MEIKIN: variants seen among roughly 807,000 people sequenced by gnomAD.
MEIKIN encodes the protein meiosis-specific kinetochore protein.
At chr5:131,877,556 T>A (rs1233787861) in intron 9 of MEIKIN, among the ~76,000 whole-genome samples, 1 of 152,006 alleles carries the variant, frequency 6.6e-6, no homozygotes, top group African/African-American at 2.4e-5. Flanking sequence ...GGCAAGAGAA[T>A]CATTTGAGTC....
chr5:131,914,789 G>A (rs1751392136), intron 7 of MEIKIN, among the ~76,000 whole-genome samples: 1 of 152,044 alleles, frequency 6.6e-6, no homozygotes, highest in Non-Finnish European at 1.5e-5. Context: ...AGAAAGAGAA[G>A]GGGGACAAAG....
chr5:131,816,470 T>C (rs1418913388), intron 12 of MEIKIN, among the ~76,000 whole-genome samples: 1 of 152,200 alleles, frequency 6.6e-6, no homozygotes, highest in East Asian at 1.9e-4. Flanking sequence ...AAGAAATCTA[T>C]CTGTAGACTG....
At chr5:131,832,473 G>A (rs1285069657) in intron 11 of MEIKIN, among the ~76,000 whole-genome samples, 1 of 152,104 alleles carries the variant, frequency 6.6e-6, no homozygotes, top group Non-Finnish European at 1.5e-5. Flanking sequence ...GGCTTTTCTA[G>A]GTGCACGGTG....
chr5:131,900,783 G>T (rs1391239905), intron 8 of MEIKIN, among the ~76,000 whole-genome samples: 1 of 152,104 alleles, frequency 6.6e-6, no homozygotes, highest in Non-Finnish European at 1.5e-5. Flanking sequence ...TGCCTCCTGG[G>T]AGAGCAGCAT....
At chr5:131,819,122 T>C (rs1441387170) in intron 11 of MEIKIN, among the ~76,000 whole-genome samples, 1 of 152,124 alleles carries the variant, frequency 6.6e-6, no homozygotes, top group East Asian at 1.9e-4. Flanking sequence ...GAGATTGACT[T>C]ACTTAAGGAT....
intron 7 of MEIKIN, among the ~76,000 whole-genome samples, chr5:131,912,301 TTATTA>T (rs988480196): frequency 2.7e-5 from 4 of 150,724 alleles, no homozygotes; most frequent in Non-Finnish European, 5.9e-5. Context: ...ATTATTATTA[TTATTA>T]TATTATTATT....
Position 131,821,444 on chromosome 5 carries a change from C to A in MEIKIN, c.976-2581G>T, listed in dbSNP as rs116769376. 6.6e-3 allele frequency among the ~76,000 whole-genome samples: 999 copies of A among 152,052 alleles called. 6 individuals are homozygous for A. The highest frequency in any genetic ancestry group is 0.011 in the Non-Finnish European group (730 of 67,988). ...GCCTGTCCTTTGAGAATGATTCATG[C>A]GTTGAGGAGAAAAATGTGTATTCTG... On this transcript the variant is annotated intron_variant, in intron 11 of 12. Transcript: ENST00000442687.
At chr5:131,923,557 T>C (rs1293229725) in intron 5 of MEIKIN, among the ~76,000 whole-genome samples, 1 of 151,732 alleles carries the variant, frequency 6.6e-6, no homozygotes, top group Non-Finnish European at 1.5e-5. Context: ...TTTTTTTTTC[T>C]GGTAAATCTC....
At chr5:131,845,788 A>T (rs1291451437) in intron 11 of MEIKIN, among the ~76,000 whole-genome samples, 4 of 152,132 alleles carry the variant, frequency 2.6e-5, no homozygotes. Flanking sequence ...AGTGTAAGAG[A>T]CCTGTGGGAC....
chr5:131,841,177 A>T (rs1189819599), intron 11 of MEIKIN, among the ~76,000 whole-genome samples: 1 of 152,168 alleles, frequency 6.6e-6, no homozygotes, highest in East Asian at 1.9e-4. Flanking sequence ...CTGGGCCCCA[A>T]CTTTGTTCTC....
intron 8 of MEIKIN, among the ~76,000 whole-genome samples, chr5:131,896,653 T>C (rs1302270984): frequency 2.6e-5 from 4 of 152,204 alleles, no homozygotes; most frequent in African/African-American, 9.7e-5. Context: ...CTTTGTGTCT[T>C]TTGATCTTTG....
chr5:131,895,590 G>C (rs1445076075), intron 8 of MEIKIN, among the ~76,000 whole-genome samples: 5 of 152,088 alleles, frequency 3.3e-5, no homozygotes, highest in Admixed American at 3.3e-4. Flanking sequence ...TATTCAGAGA[G>C]TCAACTTCTT....
At chr5:131,843,207 C>T (rs768068044) in intron 11 of MEIKIN, among the ~76,000 whole-genome samples, 2 of 152,248 alleles carry the variant, frequency 1.3e-5, no homozygotes, top group African/African-American at 2.4e-5. Context: ...CCCTCCCAGG[C>T]CTCCAGGCCT....
intron 9 of MEIKIN, among the ~76,000 whole-genome samples, chr5:131,862,500 T>G (rs186114589): frequency 7.2e-5 from 11 of 152,328 alleles, no homozygotes; most frequent in African/African-American, 2.2e-4. Flanking sequence ...TTGTTCTTGC[T>G]TCTCTAATTC....
In MEIKIN at chr5:131,933,595, T is replaced by C; in HGVS notation, c.396A>G (p.Ser132=). ...HGMASSLLSY[S]VTDSYAEYKS... Reference sequence around the variant, plus strand: ...TGTATTCTGCATAAGAGTCTGTGACTGAATAGCTCAGAAGAGAACTGGCCA... The same window carrying C: ...TGTATTCTGCATAAGAGTCTGTGACCGAATAGCTCAGAAGAGAACTGGCCA... The change falls in exon 5 of 13, where the codon TCA becomes TCG. Residue 132 remains serine (S), a synonymous_variant. Transcript: ENST00000442687. The C allele has an allele frequency of 2.5e-6, 1 of 398,868 alleles. No individual in the cohort carries two copies. Among genetic ancestry groups the C allele is most frequent in the East Asian group, 3.6e-5 (1 of 28,050 alleles). 24.7% of individuals were successfully genotyped at this position (398,868 alleles called of 1,614,324 possible).
At chr5:131,924,932 T>C (rs1401001943) in intron 5 of MEIKIN, among the ~76,000 whole-genome samples, 1 of 152,226 alleles carries the variant, frequency 6.6e-6, no homozygotes, top group African/African-American at 2.4e-5. Context: ...TATGTTTTCT[T>C]CTAGGAGTTT....
intron 11 of MEIKIN, among the ~76,000 whole-genome samples, chr5:131,826,560 T>C (rs1380405988): frequency 1.3e-5 from 2 of 152,122 alleles, no homozygotes; most frequent in Non-Finnish European, 2.9e-5. Context: ...ATTGATAGAG[T>C]TTGGCTCTGT....
At chr5:131,809,721 G>A (rs772674803) in intron 12 of MEIKIN, among the ~76,000 whole-genome samples, 4 of 151,668 alleles carry the variant, frequency 2.6e-5, no homozygotes, top group Non-Finnish European at 4.4e-5. Flanking sequence ...CAGGAGAATC[G>A]CCTGAACCAG....
rs1360738658 is a variant in MEIKIN, at chr5:131,892,352, C to A, written c.704-13304G>T. On this transcript the variant is annotated intron_variant, in intron 8 of 12. Transcript: ENST00000442687. ...ATTCTCCCCGTCACTTTCAGGTACA[C>A]CAATCAGACGTAATTTGGTCTTTTC... Among the ~76,000 whole-genome samples, 7 of 152,328 alleles carry A rather than the reference C, an allele frequency of 4.6e-5. No individual in the cohort carries two copies. The East Asian group carries it at 1.3e-3, about 29-fold the overall frequency.
Sources: gnomAD v4.1 joint callset for allele counts (sites outside exome capture counted in the v4.1 genomes callset) on GRCh38, gnomAD v4.1.1 for gene constraint, MANE v1.5 for transcripts, NCBI Gene and HGNC (gene_info 2026-07-23, HGNC 2026-07-21) for gene names.